Variants in PDZRN4 observed in about 807,000 individuals in gnomAD.
PDZRN4 encodes PDZ domain containing ring finger 4.
In PDZRN4, 70 loss-of-function variants were observed where a neutral mutation model predicts 99.0. The ratio of observed to expected loss-of-function variants is 0.71; its 90% confidence interval spans 0.58 to 0.86. The LOEUF (loss-of-function observed/expected upper bound fraction) is 0.86, where lower values mean the gene tolerates loss of function less well. Among genes scored for constraint, PDZRN4 ranks in the 40% least tolerant of loss-of-function variants. PDZRN4 has a pLI of 0.00. For synonymous variants in PDZRN4, 551 were observed against 501.6 expected (o/e 1.10, Z -1.32); for missense variants, 1,474 against 1,331.2 (o/e 1.11, Z -1.67).
In PDZRN4 at chr12:41,467,171, A is replaced by G. The variant is rs1265301361; in HGVS notation, c.844-39285A>G. On this transcript the variant is annotated intron_variant, in intron 3 of 9. Coordinates refer to ENST00000402685, the MANE Select transcript of PDZRN4 (RefSeq NM_001164595.2). ...AATATTGTTCATATCTTTCAATGAC[A>G]TATAAGGGCAGCAGTAGACACAGTG... Among the ~76,000 whole-genome samples the G allele has an allele frequency of 2.6e-5, 4 of 152,236 alleles. No homozygotes were observed. In the East Asian group the frequency reaches 7.7e-4, roughly 29 times the overall value.
At chr12:41,530,182 C>A (rs527913649) in intron 5 of PDZRN4, among the ~76,000 whole-genome samples, 1 of 152,326 alleles carries the variant, frequency 6.6e-6, no homozygotes, top group Admixed American at 6.5e-5. Flanking sequence ...TGAATGCCGT[C>A]TACCCAACGC....
chr12:41,263,736 G>A (rs778188202), intron 3 of PDZRN4, among the ~76,000 whole-genome samples: 1 of 152,082 alleles, frequency 6.6e-6, no homozygotes, highest in Non-Finnish European at 1.5e-5. Context: ...CAAAATGTTG[G>A]TAGAAAATAA....
intron 3 of PDZRN4, among the ~76,000 whole-genome samples, chr12:41,390,562 CAAA>C (rs766893966): frequency 2.0e-5 from 2 of 101,330 alleles, no homozygotes. Flanking sequence ...AACTCCTAAG[CAAA>C]AAAAAAAAAA....
intron 3 of PDZRN4, among the ~76,000 whole-genome samples, chr12:41,240,672 G>C (rs981495606): frequency 2.0e-5 from 3 of 152,174 alleles, no homozygotes; most frequent in South Asian, 2.1e-4. Flanking sequence ...AGGTCAAGGT[G>C]CTGGCAGATG....
intron 3 of PDZRN4, among the ~76,000 whole-genome samples, chr12:41,352,283 G>A (rs1002340385): frequency 6.6e-6 from 1 of 152,066 alleles, no homozygotes; most frequent in Non-Finnish European, 1.5e-5. Context: ...GAAAAGGAAG[G>A]TGTCATCTTG....
intron 3 of PDZRN4, among the ~76,000 whole-genome samples, chr12:41,326,996 T>A (rs1951713163): frequency 6.6e-6 from 1 of 152,210 alleles, no homozygotes; most frequent in Non-Finnish European, 1.5e-5. Context: ...TCCATTTTTT[T>A]CAATCAGTTT....
At chr12:41,333,481 C>T (rs2120998287) in intron 3 of PDZRN4, among the ~76,000 whole-genome samples, 1 of 152,158 alleles carries the variant, frequency 6.6e-6, no homozygotes, top group African/African-American at 2.4e-5. Flanking sequence ...GCAGGTTCTG[C>T]CATGTGCTTC....
At position 41,324,747 on chromosome 12, in the gene PDZRN4, T is replaced by G. The variant is rs149501805; in HGVS notation, c.843+130559T>G. On this transcript the variant is annotated intron_variant, in intron 3 of 9. Coordinates refer to ENST00000402685, the MANE Select transcript of PDZRN4 (RefSeq NM_001164595.2). The stretch of plus-strand genomic sequence containing the variant: ...TAGTCACAGATGACTTTTGAACAAT[T>G]AAAACATGACAAGTGTGAATTGAAA... 1.6e-3 allele frequency among the ~76,000 whole-genome samples: 240 copies of G among 152,212 alleles called. 1 individual carries two copies. The highest frequency in any genetic ancestry group is 4.6e-3 in the African/African-American group (191 of 41,570).
At chr12:41,193,190 G>C (rs759279195) in intron 2 of PDZRN4, among the ~76,000 whole-genome samples, 8 of 151,970 alleles carry the variant, frequency 5.3e-5, no homozygotes, top group Non-Finnish European at 1.2e-4. Context: ...TAGCATTTTC[G>C]TTATCATTTT....
chr12:41,495,866 A>G (rs1937990641), intron 3 of PDZRN4, among the ~76,000 whole-genome samples: 2 of 151,998 alleles, frequency 1.3e-5, no homozygotes, highest in African/African-American at 2.4e-5. Context: ...TGTGCAGTTT[A>G]TAAAGTTTTT....
intron 5 of PDZRN4, among the ~76,000 whole-genome samples, chr12:41,532,173 G>T (rs1592099729): frequency 6.6e-6 from 1 of 152,018 alleles, no homozygotes; most frequent in Non-Finnish European, 1.5e-5. Flanking sequence ...ACTACTAATT[G>T]AAAGTCCATT....
rs1208528880 is a variant in PDZRN4, at chr12:41,573,797, C to G, written c.3018C>G (p.Asn1006Lys). 1.7e-5 allele frequency: 27 copies of G among 1,613,440 alleles called. No individual in the cohort carries two copies. Among genetic ancestry groups the G allele is most frequent in the Non-Finnish European group, 2.3e-5 (27 of 1,179,798 alleles). The change falls in exon 10 of 10, where the codon AAC (asparagine) becomes AAG (lysine). Residue 1006 changes from asparagine (N) to lysine (K), a missense_variant. Transcript: ENST00000402685. ...MKKRNKKILD[N>K]WMTIQELMTH... ...AGAGAAACAAGAAAATTTTGGACAA[C>G]TGGATGACAATCCAAGAACTGATGA... is the stretch of plus-strand genomic sequence containing the variant.
intron 3 of PDZRN4, among the ~76,000 whole-genome samples, chr12:41,465,984 C>T (rs1433090034): frequency 6.6e-6 from 1 of 152,046 alleles, no homozygotes; most frequent in Non-Finnish European, 1.5e-5. Context: ...CTGATAAAAT[C>T]CTTAATTATT....
intron 3 of PDZRN4, among the ~76,000 whole-genome samples, chr12:41,221,083 C>G (rs908945404): frequency 6.6e-6 from 1 of 152,198 alleles, no homozygotes; most frequent in African/African-American, 2.4e-5. Context: ...GCCTTGCTCT[C>G]TCTCTTTCCT....
intron 3 of PDZRN4, among the ~76,000 whole-genome samples, chr12:41,202,341 G>GT (rs1182305329): frequency 1.3e-5 from 2 of 152,198 alleles, no homozygotes; most frequent in African/African-American, 4.8e-5. Flanking sequence ...TTGTGCTTTC[G>GT]TAAGTACATG....
At chr12:41,376,841 A>G (rs1565566167) in intron 3 of PDZRN4, among the ~76,000 whole-genome samples, 1 of 152,006 alleles carries the variant, frequency 6.6e-6, no homozygotes, top group Non-Finnish European at 1.5e-5. Context: ...TGTTTTCTTA[A>G]AGGAGTTTTG....
At chr12:41,407,804 T>C (rs1462573161) in intron 3 of PDZRN4, among the ~76,000 whole-genome samples, 1 of 152,188 alleles carries the variant, frequency 6.6e-6, no homozygotes, top group Non-Finnish European at 1.5e-5. Flanking sequence ...CATTTTTAAA[T>C]TCTGCGAGAA....
intron 3 of PDZRN4, among the ~76,000 whole-genome samples, chr12:41,197,055 TA>T (rs1950778057): frequency 6.6e-6 from 1 of 151,726 alleles, no homozygotes; most frequent in African/African-American, 2.4e-5. Context: ...ATAACTGAAA[TA>T]AAAAATAAAA....
intron 3 of PDZRN4, among the ~76,000 whole-genome samples, chr12:41,308,831 A>C (rs1951587841): frequency 6.6e-6 from 1 of 152,172 alleles, no homozygotes; most frequent in African/African-American, 2.4e-5. Context: ...TTTATACCTT[A>C]CACAGTATTC....
Sources: allele counts gnomAD v4.1 joint callset (sites outside exome capture counted in the v4.1 genomes callset), GRCh38; gene constraint gnomAD v4.1.1; transcripts MANE v1.5; gene names NCBI Gene and HGNC (gene_info 2026-07-23, HGNC 2026-07-21).